The following NFATC1 variants were observed in gnomAD, a reference collection of about 807,000 sequenced individuals.
NFATC1 encodes the protein nuclear factor of activated T-cells, cytoplasmic 1.
Under a neutral mutation model 76.0 loss-of-function variants are expected in NFATC1, and 22 were observed. The ratio of observed to expected loss-of-function variants is 0.29; its 90% confidence interval spans 0.21 to 0.41. NFATC1 has a LOEUF of 0.41. NFATC1 is among the 10% of genes least tolerant of loss of function. The probability of loss-of-function intolerance (pLI) is 1.00; values close to 1 mark genes in which losing one functional copy is unlikely to be tolerated. For missense variants in NFATC1, 1,357 were observed against 1,337.7 expected (o/e 1.01, Z -0.23); for synonymous variants, 704 against 613.1 (o/e 1.15, Z -2.19).
intron 7 of NFATC1, among the ~76,000 whole-genome samples, chr18:79,466,806 C>T (rs1032024506): frequency 1.3e-5 from 2 of 152,182 alleles, no homozygotes; most frequent in African/African-American, 4.8e-5. Context: ...CCCCAGAGAC[C>T]GCGTCTCCAG....
intron 2 of NFATC1, among the ~76,000 whole-genome samples, chr18:79,427,846 G>GACGGCTGGCCTCTGTGC (rs2086435957): frequency 1.2e-4 from 2 of 16,206 alleles, no homozygotes; most frequent in African/African-American, 2.2e-4. Context: ...GGCCTCTGTG[G>GACGGCTGGCCTCTGTGC]GGTGGGTGTA....
At position 79,411,246 on chromosome 18, in the gene NFATC1, G is replaced by T. The variant is rs373106314; in HGVS notation, c.971G>T (p.Ser324Ile). ...ATCAACGCGCTGACCACCGACAGCA[G>T]CCTGGACCTGGGAGATGGCGTCCCT... is the stretch of plus-strand genomic sequence containing the variant. Reference protein sequence around the residue: ...AAINALTTDSSLDLGDGVPVK... With the variant: ...AAINALTTDSILDLGDGVPVK... Residue 324 changes from serine to isoleucine, a missense_variant, in exon 2 of 10, where the codon AGC becomes ATC. Around this residue, in one of 3 missense-constraint regions of NFATC1, gnomAD observed 691 missense variants for 613.1 expected, o/e 1.13. Transcript: ENST00000427363. The T allele has an allele frequency of 5.6e-6, 9 of 1,603,634 alleles. No homozygotes were observed. The African/African-American group carries it at 9.3e-5, about 17-fold the overall frequency.
rs1398027357 is a variant in NFATC1 at position 79,486,694 on chromosome 18, C to G, written c.2539C>G (p.Pro847Ala). ...GLEHSLCPSS[P>A]SPPLPPATQE... ...CGAACACTCGCTCTGCCCCAGCAGC[C>G]CCTCTCCTCCACTCCCGCCTGCCAC... The change falls in exon 9 of 10, where the codon CCC becomes GCC. Residue 847 changes from proline (P) to alanine (A), a missense_variant. Around this residue, in one of 3 missense-constraint regions of NFATC1, gnomAD observed 424 missense variants for 395.4 expected, o/e 1.07. Coordinates refer to ENST00000427363, the MANE Select transcript of NFATC1 (RefSeq NM_001278669.2). 1 of 1,600,106 alleles carries G rather than the reference C, an allele frequency of 6.2e-7. No homozygotes were observed. The highest frequency in any genetic ancestry group is 8.5e-7 in the Non-Finnish European group (1 of 1,175,728).
chr18:79,526,326 G>C (rs918538195), intron 9 of NFATC1, among the ~76,000 whole-genome samples: 5 of 152,282 alleles, frequency 3.3e-5, no homozygotes, highest in African/African-American at 1.2e-4. Flanking sequence ...TCTGCAGAGA[G>C]CCTGGCTCTG....
intron 1 of NFATC1, among the ~76,000 whole-genome samples, chr18:79,399,097 G>A (rs550651257): frequency 3.3e-5 from 5 of 152,386 alleles, no homozygotes; most frequent in African/African-American, 1.2e-4. Context: ...AATGGAAAGA[G>A]AATGAAACGT....
At chr18:79,467,611 T>C in intron 8 of NFATC1, 29 bp downstream of exon 8, 1 of 1,612,274 alleles carries the variant, frequency 6.2e-7, no homozygotes, top group Non-Finnish European at 8.5e-7. Flanking sequence ...CCGTAAGCCG[T>C]GAACATGAGC....
At chr18:79,526,610 G>A (rs911177566) in intron 9 of NFATC1, among the ~76,000 whole-genome samples, 3 of 152,236 alleles carry the variant, frequency 2.0e-5, no homozygotes, top group Non-Finnish European at 4.4e-5. Context: ...GGTTCCTCCT[G>A]GAGCTCAGTG....
intron 9 of NFATC1, among the ~76,000 whole-genome samples, chr18:79,512,631 G>C (rs1045606044): frequency 2.0e-5 from 3 of 152,270 alleles, no homozygotes; most frequent in South Asian, 2.1e-4. Flanking sequence ...GGTCTCTCCA[G>C]TCGGTGGGCC....
intron 6 of NFATC1, among the ~76,000 whole-genome samples, chr18:79,456,395 G>T (rs1474787026): frequency 6.6e-6 from 1 of 152,182 alleles, no homozygotes; most frequent in African/African-American, 2.4e-5. Flanking sequence ...CTCCCTCCGG[G>T]CTCACCTTCA....
intron 9 of NFATC1, among the ~76,000 whole-genome samples, chr18:79,514,291 T>A (rs2090327130): frequency 1.3e-5 from 2 of 151,674 alleles, no homozygotes; most frequent in African/African-American, 2.4e-5. Flanking sequence ...ATTTTAGAAA[T>A]TAGCCAGGTG....
intron 9 of NFATC1, among the ~76,000 whole-genome samples, chr18:79,499,807 G>A (rs991913357): frequency 6.6e-6 from 1 of 152,184 alleles, no homozygotes; most frequent in Non-Finnish European, 1.5e-5. Flanking sequence ...CAGAGTTAAT[G>A]TAGAAATTTG....
intron 6 of NFATC1, among the ~76,000 whole-genome samples, chr18:79,458,836 A>G (rs1164010620): frequency 6.6e-6 from 1 of 152,328 alleles, no homozygotes; most frequent in Admixed American, 6.5e-5. Context: ...CTGAGATGCG[A>G]GGTTATTTCC....
chr18:79,400,500 G>A (rs1600574452), intron 1 of NFATC1: 2 of 1,402,822 alleles, frequency 1.4e-6, no homozygotes, highest in Middle Eastern at 2.0e-4. Flanking sequence ...CCCGGAGGGC[G>A]CGGGGGGCGC....
chr18:79,466,802 A>G (rs1404573936), intron 7 of NFATC1, among the ~76,000 whole-genome samples: 2 of 152,166 alleles, frequency 1.3e-5, no homozygotes, highest in South Asian at 4.1e-4. Flanking sequence ...CCCTCCCCAG[A>G]GACCGCGTCT....
intron 9 of NFATC1, among the ~76,000 whole-genome samples, chr18:79,514,582 A>C (rs1372933634): frequency 3.3e-5 from 5 of 151,028 alleles, no homozygotes; most frequent in Non-Finnish European, 5.9e-5. Context: ...AAAAAAAAAA[A>C]AAAAAAAAAC....
intron 9 of NFATC1, among the ~76,000 whole-genome samples, chr18:79,512,456 T>G (rs935568868): frequency 6.6e-5 from 10 of 152,018 alleles, no homozygotes; most frequent in Admixed American, 2.0e-4. Context: ...CTAGACAGCC[T>G]CCCAAGGAGG....
At chr18:79,414,295 T>G (rs549081409) in intron 2 of NFATC1, among the ~76,000 whole-genome samples, 1 of 152,300 alleles carries the variant, frequency 6.6e-6, no homozygotes, top group South Asian at 2.1e-4. Flanking sequence ...TCTCCAAAGT[T>G]TGGGATGGAG....
intron 1 of NFATC1, among the ~76,000 whole-genome samples, chr18:79,400,031 G>T (rs934869670): frequency 1.3e-5 from 2 of 151,798 alleles, no homozygotes; most frequent in African/African-American, 2.4e-5. Context: ...ACCTGGTGCC[G>T]CTCGTGGGGT....
intron 9 of NFATC1, among the ~76,000 whole-genome samples, chr18:79,490,882 A>T (rs1232512689): frequency 6.6e-6 from 1 of 152,164 alleles, no homozygotes; most frequent in African/African-American, 2.4e-5. Context: ...AAACGCCGTG[A>T]CATAAACGAG....
Sources: allele counts gnomAD v4.1 joint callset (sites outside exome capture counted in the v4.1 genomes callset), GRCh38; gene constraint gnomAD v4.1.1; regional missense constraint gnomAD v4.1.1; transcripts MANE v1.5; gene names NCBI Gene and HGNC (gene_info 2026-07-23, HGNC 2026-07-21).